Variants in DPYD observed in about 807,000 individuals in gnomAD.
DPYD encodes dihydropyrimidine dehydrogenase.
DPYD carries 109 observed loss-of-function variants against 116.2 expected under a neutral mutation model. That is an observed-to-expected ratio of 0.94 (90% CI 0.80 to 1.10). The LOEUF (loss-of-function observed/expected upper bound fraction) is 1.10, where lower values mean the gene tolerates loss of function less well. DPYD is among the 50% of genes least tolerant of loss of function. The probability of loss-of-function intolerance (pLI) is 0.00; values close to 1 mark genes in which losing one functional copy is unlikely to be tolerated. For synonymous variants in DPYD, 440 were observed against 432.0 expected (o/e 1.02, Z -0.23); for missense variants, 1,302 against 1,254.5 (o/e 1.04, Z -0.57).
At chr1:97,222,503 GTT>G (rs1660841803) in intron 19 of DPYD, among the ~76,000 whole-genome samples, 1 of 152,044 alleles carries the variant, frequency 6.6e-6, no homozygotes, top group Non-Finnish European at 1.5e-5. Context: ...GACGTAATAA[GTT>G]TCCATTTAAT....
chr1:97,164,015 C>T (rs1355928861), intron 20 of DPYD, among the ~76,000 whole-genome samples: 1 of 152,090 alleles, frequency 6.6e-6, no homozygotes, highest in Non-Finnish European at 1.5e-5. Context: ...AACACTGATG[C>T]TAAATTCTTC....
intron 20 of DPYD, among the ~76,000 whole-genome samples, chr1:97,182,167 C>G (rs182256996): frequency 5.3e-4 from 80 of 152,196 alleles, no homozygotes; most frequent in African/African-American, 1.9e-3. Flanking sequence ...AAGCTCAGAA[C>G]AAGATGGGGC....
chr1:97,513,251 A>G (rs2101967900), intron 13 of DPYD, among the ~76,000 whole-genome samples: 1 of 151,834 alleles, frequency 6.6e-6, no homozygotes, highest in South Asian at 2.1e-4. Context: ...AAAGGGAAAC[A>G]AAGTTCACGC....
intron 16 of DPYD, among the ~76,000 whole-genome samples, chr1:97,323,471 GTGTATA>G (rs1668481188): frequency 7.7e-6 from 1 of 129,720 alleles, no homozygotes; most frequent in African/African-American, 2.8e-5. Context: ...ATACATATAT[GTGTATA>G]TATACACGTA....
At chr1:97,425,705 A>T (rs1172645811) in intron 14 of DPYD, among the ~76,000 whole-genome samples, 1 of 152,082 alleles carries the variant, frequency 6.6e-6, no homozygotes, top group Non-Finnish European at 1.5e-5. Context: ...ACTTTGTCCA[A>T]TCATGCTATG....
chr1:97,598,875 C>T (rs968284703), intron 8 of DPYD, among the ~76,000 whole-genome samples: 3 of 152,110 alleles, frequency 2.0e-5, no homozygotes, highest in Admixed American at 1.3e-4. Context: ...TAAGAAGCAG[C>T]GCCAATTTCT....
At chr1:97,627,334 CAAT>C (rs1386084409) in intron 8 of DPYD, among the ~76,000 whole-genome samples, 1 of 151,998 alleles carries the variant, frequency 6.6e-6, no homozygotes, top group Non-Finnish European at 1.5e-5. Flanking sequence ...ATATTACCAA[CAAT>C]AATTTAAGAA....
intron 19 of DPYD, among the ~76,000 whole-genome samples, chr1:97,227,291 C>A (rs1213591397): frequency 2.2e-5 from 3 of 134,534 alleles, no homozygotes; most frequent in Non-Finnish European, 4.6e-5. Flanking sequence ...CGTGCCACGG[C>A]CACTGCGCTC....
At chr1:97,664,149 C>T (rs1219874606) in intron 8 of DPYD, among the ~76,000 whole-genome samples, 1 of 151,992 alleles carries the variant, frequency 6.6e-6, no homozygotes, top group Non-Finnish European at 1.5e-5. Context: ...AAATCCTTAG[C>T]ATTATTAAAA....
chr1:97,849,090 T>C (rs958528765), intron 2 of DPYD, among the ~76,000 whole-genome samples: 5 of 152,300 alleles, frequency 3.3e-5, no homozygotes, highest in South Asian at 2.1e-4. Context: ...TCTAGAGCAT[T>C]AGATAACCAA....
chr1:97,625,234 A>G (rs749226796), intron 8 of DPYD, among the ~76,000 whole-genome samples: 1 of 152,216 alleles, frequency 6.6e-6, no homozygotes, highest in Non-Finnish European at 1.5e-5. Flanking sequence ...GTATACAATT[A>G]TAACTGTCAA....
chr1:97,264,789 G>A (rs1458991296), intron 18 of DPYD, among the ~76,000 whole-genome samples: 1 of 137,432 alleles, frequency 7.3e-6, no homozygotes, highest in East Asian at 2.1e-4. Flanking sequence ...CTCGAACCTG[G>A]GTCTGCTGAC....
intron 10 of DPYD, among the ~76,000 whole-genome samples, chr1:97,583,307 T>C (rs2102218166): frequency 6.6e-6 from 1 of 152,280 alleles, no homozygotes; most frequent in South Asian, 2.1e-4. Flanking sequence ...TTACTATTGA[T>C]GACATTTTCT....
chr1:97,193,156 T>A lies in DPYD; in HGVS notation c.2535A>T (p.Glu845Asp). The A allele has an allele frequency of 6.2e-7, 1 of 1,614,070 alleles. No individual in the cohort carries two copies. The highest frequency in any genetic ancestry group is 8.5e-7 in the Non-Finnish European group (1 of 1,179,964). The change falls in exon 20 of 23, where the codon GAA (glutamate) becomes GAT (aspartate). Residue 845 changes from glutamate to aspartate, a missense_variant. Glu to Asp is a conservative substitution (Grantham distance 45). Coordinates refer to ENST00000370192, the MANE Select transcript of DPYD (RefSeq NM_000110.4). ...GACTCTGTCCATCCCAGTCTTGTAG[T>A]TCTTCAATGCTTTTCAGATAAAGCA... ...KALLYLKSIEELQDWDGQSPA... is the reference protein window; with the variant it reads ...KALLYLKSIEDLQDWDGQSPA...
intron 3 of DPYD, among the ~76,000 whole-genome samples, chr1:97,749,127 T>G (rs887449927): frequency 1.3e-5 from 2 of 152,186 alleles, no homozygotes; most frequent in South Asian, 4.1e-4. Context: ...AATTGTTATC[T>G]AATGAGATGG....
At chr1:97,681,051 T>C (rs902545909) in intron 7 of DPYD, among the ~76,000 whole-genome samples, 5 of 152,134 alleles carry the variant, frequency 3.3e-5, no homozygotes, top group Non-Finnish European at 7.4e-5. Context: ...CACTGAATAG[T>C]GCACCTAAGT....
At chr1:97,888,312 CAG>C (rs1360816421) in intron 1 of DPYD, among the ~76,000 whole-genome samples, 1 of 151,804 alleles carries the variant, frequency 6.6e-6, no homozygotes, top group African/African-American at 2.4e-5. Context: ...ATTACACAAT[CAG>C]AAGACCAAAG....
intron 18 of DPYD, among the ~76,000 whole-genome samples, chr1:97,267,923 G>A (rs1258380803): frequency 6.6e-6 from 1 of 152,066 alleles, no homozygotes; most frequent in Non-Finnish European, 1.5e-5. Flanking sequence ...GTCAGATATG[G>A]GGGAAACCCA....
At chr1:97,825,048 T>G (rs1258573429) in intron 3 of DPYD, among the ~76,000 whole-genome samples, 2 of 152,180 alleles carry the variant, frequency 1.3e-5, no homozygotes, top group African/African-American at 4.8e-5. Flanking sequence ...CCTCTTTTTT[T>G]CTCTCTCTCT....
Sources: gnomAD v4.1 joint callset for allele counts (sites outside exome capture counted in the v4.1 genomes callset) on GRCh38, gnomAD v4.1.1 for gene constraint, MANE v1.5 for transcripts, NCBI Gene and HGNC (gene_info 2026-07-23, HGNC 2026-07-21) for gene names.